Variants in DPYD observed in about 807,000 individuals in gnomAD.
DPYD encodes dihydropyrimidine dehydrogenase [NADP(+)].
A neutral mutation model predicts 116.2 loss-of-function variants in DPYD; 109 were observed. The ratio of observed to expected loss-of-function variants is 0.94; its 90% CI spans 0.80 to 1.10. DPYD has a LOEUF of 1.10. Ranked by LOEUF, DPYD falls within the 50% of genes least tolerant of loss-of-function variation. The pLI is 0.00. For synonymous variants in DPYD, 440 were observed against 432.0 expected (o/e 1.02, Z -0.23); for missense variants, 1,302 against 1,254.5 (o/e 1.04, Z -0.57).
intron 1 of DPYD, among the ~76,000 whole-genome samples, chr1:97,916,141 T>C (rs1296853901): frequency 1.3e-5 from 2 of 152,176 alleles, no homozygotes; most frequent in Non-Finnish European, 2.9e-5. Context: ...ATTTTGACTC[T>C]AGATCTTCTT....
intron 13 of DPYD, among the ~76,000 whole-genome samples, chr1:97,464,483 G>A (rs969546149): frequency 5.3e-5 from 8 of 152,040 alleles, no homozygotes; most frequent in Non-Finnish European, 1.0e-4. Flanking sequence ...AGAGGTTTAG[G>A]AGGAAAAAAT....
chr1:97,365,776 C>T (rs1464465343), intron 16 of DPYD, among the ~76,000 whole-genome samples: 1 of 152,086 alleles, frequency 6.6e-6, no homozygotes, highest in East Asian at 1.9e-4. Flanking sequence ...CACAGGTGCA[C>T]ACCACCATAT....
rs540474101 is a variant in DPYD at position 97,361,390 on chromosome 1, T to C, written c.2058+12171A>G. Among the ~76,000 whole-genome samples the C allele has an allele frequency of 3.9e-5, 6 of 152,328 alleles. No homozygotes were observed. The South Asian group carries it at 1.2e-3, about 32-fold the overall frequency. On this transcript the variant is annotated intron_variant, in intron 16 of 22. Transcript: ENST00000370192. ...TACCAGAGGTACAAAGAGGAGTTGA[T>C]ACCATTCCTTCTGAAACTATTCCAA...
chr1:97,558,165 T>TC (rs1485200752), intron 11 of DPYD, among the ~76,000 whole-genome samples: 2 of 151,982 alleles, frequency 1.3e-5, no homozygotes, highest in South Asian at 2.1e-4. Flanking sequence ...GAAACCTTTT[T>TC]CCCCCCCTTT....
chr1:97,729,596 A>C (rs1240008002), intron 4 of DPYD, among the ~76,000 whole-genome samples: 1 of 152,120 alleles, frequency 6.6e-6, no homozygotes, highest in South Asian at 2.1e-4. Flanking sequence ...AGAAAGAAAG[A>C]AGCAAAATGT....
intron 3 of DPYD, among the ~76,000 whole-genome samples, chr1:97,779,463 A>C (rs181204913): frequency 7.0e-4 from 107 of 152,202 alleles, no homozygotes; most frequent in Non-Finnish European, 1.2e-3. Context: ...ACAGTACTAC[A>C]AAATTACTAC....
At chr1:97,535,676 TA>T (rs1649942061) in intron 12 of DPYD, among the ~76,000 whole-genome samples, 1 of 152,176 alleles carries the variant, frequency 6.6e-6, no homozygotes, top group African/African-American at 2.4e-5. Flanking sequence ...ACAAAGTCAA[TA>T]AAAGGCATTA....
intron 14 of DPYD, among the ~76,000 whole-genome samples, chr1:97,411,940 T>G (rs1484841877): frequency 6.6e-6 from 1 of 152,168 alleles, no homozygotes; most frequent in African/African-American, 2.4e-5. Flanking sequence ...ATAAGGATAT[T>G]CAAAAGGCAA....
At chr1:97,257,436 T>TAC (rs541956692) in intron 18 of DPYD, among the ~76,000 whole-genome samples, 1 of 74,962 alleles carries the variant, frequency 1.3e-5, no homozygotes, top group South Asian at 5.6e-4. Flanking sequence ...TATACATACG[T>TAC]ATATATATAT....
chr1:97,207,334 CT>C (rs1382528516), intron 19 of DPYD, among the ~76,000 whole-genome samples: 8 of 152,118 alleles, frequency 5.3e-5, no homozygotes, highest in African/African-American at 1.7e-4. Flanking sequence ...ACATTAATAT[CT>C]TTGCATTATT....
At chr1:97,616,310 T>C (rs1159972403) in intron 8 of DPYD, among the ~76,000 whole-genome samples, 1 of 152,188 alleles carries the variant, frequency 6.6e-6, no homozygotes, top group African/African-American at 2.4e-5. Context: ...TTTCTCAGCA[T>C]CATAAAAGAA....
intron 20 of DPYD, among the ~76,000 whole-genome samples, chr1:97,153,936 C>T (rs937695362): frequency 6.9e-6 from 1 of 143,928 alleles, no homozygotes; most frequent in Non-Finnish European, 1.5e-5. Flanking sequence ...AAAACCATAA[C>T]ACAAAACCAC....
intron 1 of DPYD, among the ~76,000 whole-genome samples, chr1:97,914,006 G>C (rs76003396): frequency 6.6e-6 from 1 of 151,986 alleles, no homozygotes; most frequent in African/African-American, 2.4e-5. Flanking sequence ...TCAGTCAAGA[G>C]TGCCTCAAGG....
chr1:97,090,740 T>G (rs1346052322), intron 21 of DPYD, among the ~76,000 whole-genome samples: 1 of 152,216 alleles, frequency 6.6e-6, no homozygotes, highest in Non-Finnish European at 1.5e-5. Context: ...TTTTTAAAAT[T>G]CACGTTGTAT....
intron 8 of DPYD, among the ~76,000 whole-genome samples, chr1:97,608,289 T>C (rs1031447513): frequency 3.9e-5 from 6 of 152,020 alleles, no homozygotes; most frequent in Admixed American, 1.3e-4. Flanking sequence ...TTGTGTAATA[T>C]TTGTTTGATT....
intron 2 of DPYD, among the ~76,000 whole-genome samples, chr1:97,854,841 T>C (rs892460841): frequency 1.6e-4 from 24 of 152,224 alleles, no homozygotes; most frequent in African/African-American, 5.5e-4. Flanking sequence ...GAGATGTCCA[T>C]GGCCACAGAA....
intron 6 of DPYD, among the ~76,000 whole-genome samples, chr1:97,692,528 C>T (rs2100952638): frequency 6.6e-6 from 1 of 152,234 alleles, no homozygotes; most frequent in Middle Eastern, 3.4e-3. Context: ...ATTAAAAAAG[C>T]TATGTATGTC....
chr1:97,576,801 C>G (rs901123115), intron 10 of DPYD, among the ~76,000 whole-genome samples: 1 of 152,114 alleles, frequency 6.6e-6, no homozygotes, highest in Non-Finnish European at 1.5e-5. Context: ...AGCACTGGAC[C>G]CCACAGAGAT....
chr1:97,084,861 G>A (rs1219034831), intron 21 of DPYD, among the ~76,000 whole-genome samples: 2 of 152,256 alleles, frequency 1.3e-5, no homozygotes, highest in East Asian at 1.9e-4. Flanking sequence ...TGTATCTCAT[G>A]TGGTGTATCC....
Sources: gnomAD v4.1 joint callset for allele counts (sites outside exome capture counted in the v4.1 genomes callset) on GRCh38, gnomAD v4.1.1 for gene constraint, MANE v1.5 for transcripts, NCBI Gene and HGNC (gene_info 2026-07-23, HGNC 2026-07-21) for gene names.